The following SLC8A2 variants were observed in gnomAD, a reference collection of about 807,000 sequenced individuals.
The protein encoded by SLC8A2 is solute carrier family 8 member A2.
A neutral mutation model predicts 70.2 loss-of-function variants in SLC8A2; 14 were observed. The observed-to-expected ratio is 0.20, with a 90% CI of 0.13 to 0.31. The LOEUF is 0.31. Among genes scored for constraint, SLC8A2 ranks in the 10% least tolerant of loss-of-function variants. The probability of loss-of-function intolerance (pLI) is 1.00; values close to 1 mark genes in which losing one functional copy is unlikely to be tolerated. For missense variants in SLC8A2, 779 were observed against 1,320.1 expected (o/e 0.59, Z 6.35); for synonymous variants, 575 against 594.3 (o/e 0.97, Z 0.47).
chr19:47,429,016 A>ACCCCCC lies in SLC8A2; in HGVS notation c.*1067_*1072dup, dbSNP rs1292479789. The ACCCCCC allele has an allele frequency of 2.6e-5, 1 of 37,794 alleles. No individual in the cohort carries two copies. The highest frequency in any genetic ancestry group is 5.6e-5 in the Non-Finnish European group (1 of 17,830). The allele number at this position is 37,794 out of a possible 1,614,324, so 2.3% of individuals were successfully genotyped here. ...CAGTCCCATCCCCCCACCCATCCCC[A>ACCCCCC]CCCCCCATCAGGCAGAGATGTGGCA... On this transcript the variant is annotated 3_prime_UTR_variant, in exon 10 of 10. Coordinates refer to ENST00000236877, the MANE Select transcript of SLC8A2 (RefSeq NM_015063.3).
Position 47,466,502 on chromosome 19 carries a change from G to A in SLC8A2, c.-16-83C>T, listed in dbSNP as rs927937281. On this transcript the variant is annotated intron_variant, in intron 1 of 9. Coordinates refer to ENST00000236877, the MANE Select transcript of SLC8A2 (RefSeq NM_015063.3). This position sits in a 1 kb window ranked among gnomAD's most constrained non-coding sequence, Gnocchi z 6.9. ...AAGGTCAAAGCTCACTGGGGAAGGA[G>A]GGTTGGGGGAGAAGCTGAGGACCAA... 2.4e-5 allele frequency: 14 copies of A among 591,740 alleles called. No homozygotes were observed. Among genetic ancestry groups the A allele is most frequent in the East Asian group, 1.4e-4 (5 of 35,540 alleles). 36.7% of individuals were successfully genotyped at this position (591,740 alleles called of 1,614,324 possible). A position where few individuals can be genotyped will look rare whatever the true frequency, so the allele number is the denominator to read the frequency against.
At position 47,428,321 on chromosome 19, in the gene SLC8A2, A is replaced by T. The variant is rs1966900428; in HGVS notation, c.*1768T>A. The T allele has an allele frequency of 6.6e-6, 1 of 151,106 alleles. No homozygotes were observed. The highest frequency in any genetic ancestry group is 1.5e-5 in the Non-Finnish European group (1 of 67,986). The allele number at this position is 151,106 out of a possible 1,614,324, so 9.4% of individuals were successfully genotyped here. A position where few individuals can be genotyped will look rare whatever the true frequency, so the allele number is the denominator to read the frequency against. ...GCAAGTGGAGGAGCTTGGCTGATGAATGGGGGCGTGGTTAGTGGAAACCCA... is the reference window on the plus strand; with the variant it reads ...GCAAGTGGAGGAGCTTGGCTGATGATTGGGGGCGTGGTTAGTGGAAACCCA... On this transcript the variant is annotated 3_prime_UTR_variant, in exon 10 of 10. Coordinates refer to ENST00000236877, the MANE Select transcript of SLC8A2 (RefSeq NM_015063.3).
rs1967053886 is a variant in SLC8A2, at chr19:47,438,052, A to C, written c.1886-79T>G. The C allele has an allele frequency of 2.6e-6, 4 of 1,565,626 alleles. No individual in the cohort carries two copies. In the Admixed American group the frequency reaches 6.8e-5, roughly 27 times the overall value. On this transcript the variant is annotated intron_variant, in intron 6 of 9. Coordinates refer to ENST00000236877, the MANE Select transcript of SLC8A2 (RefSeq NM_015063.3). ...TGTGACGCCTTTACTACCTGTCCCC[A>C]TAGTTAGAGAAAGCCTATCTGTTCT...
chr19:47,456,664 CA>C lies in SLC8A2; in HGVS notation c.1340+265del, dbSNP rs1218003348. On this transcript the variant is annotated intron_variant, in intron 3 of 9. Transcript: ENST00000236877. ...TGGGCAGCATAGTGAGACTCTATCT[CA>C]AACAAACAAAAACCCAGAGGTAGAT... 4.6e-5 allele frequency among the ~76,000 whole-genome samples: 7 copies of C among 152,330 alleles called. No homozygotes were observed. The East Asian group carries it at 1.4e-3, about 29-fold the overall frequency.
intron 2 of SLC8A2, among the ~76,000 whole-genome samples, chr19:47,458,923 C>T (rs1175372083): frequency 6.8e-6 from 1 of 147,580 alleles, no homozygotes; most frequent in Non-Finnish European, 1.5e-5. Context: ...CCACCCCTTT[C>T]CATCTTGTTC....
intron 2 of SLC8A2, among the ~76,000 whole-genome samples, chr19:47,459,738 T>C (rs1204580194): frequency 1.3e-5 from 2 of 151,122 alleles, no homozygotes; most frequent in African/African-American, 4.9e-5. Context: ...TGTGTGTGTA[T>C]GTGTACGTGT....
chr19:47,447,823 G>T lies in SLC8A2; in HGVS notation c.1749C>A (p.Gly583=). The T allele has an allele frequency of 6.3e-7, 1 of 1,590,472 alleles. No individual in the cohort carries two copies. The stretch of plus-strand genomic sequence containing the variant: ...GGCGTGCTCACATGGTCTCGTCGTC[G>T]CCAAACTCCAGCTCTCCGCACGCGT... The part of the protein sequence containing the change: ...YEDACGELEF[G]DDETMKTLQV... Residue 583 remains glycine, a synonymous_variant, in exon 4 of 10, where the codon GGC becomes GGA. Coordinates refer to ENST00000236877, the MANE Select transcript of SLC8A2 (RefSeq NM_015063.3). This position sits in a 1 kb window ranked among gnomAD's most constrained non-coding sequence, Gnocchi z 5.1.
At chr19:47,452,445 A>AGAGAGTGTGT (rs1568444583) in intron 3 of SLC8A2, among the ~76,000 whole-genome samples, 4 of 54,098 alleles carry the variant, frequency 7.4e-5, no homozygotes, top group African/African-American at 3.6e-4. Context: ...AGAGAGAGAG[A>AGAGAGTGTGT]GTGTGTGTGT....
At chr19:47,455,178 G>A (rs1191425558) in intron 3 of SLC8A2, among the ~76,000 whole-genome samples, 2 of 152,000 alleles carry the variant, frequency 1.3e-5, no homozygotes, top group East Asian at 3.9e-4. Flanking sequence ...GAAGATGAGC[G>A]AACTGAGTCC....
intron 8 of SLC8A2, among the ~76,000 whole-genome samples, chr19:47,436,587 T>C (rs958599377): frequency 4.6e-5 from 7 of 152,156 alleles, no homozygotes; most frequent in African/African-American, 1.7e-4. Context: ...CACAATTCCA[T>C]GTACGCCTTC....
intron 3 of SLC8A2, among the ~76,000 whole-genome samples, chr19:47,453,367 A>G (rs1401758960): frequency 6.6e-6 from 1 of 152,234 alleles, no homozygotes; most frequent in African/African-American, 2.4e-5. Flanking sequence ...ACAACTGTAC[A>G]TGGCAGACCT....
chr19:47,437,710 G>A, intron 7 of SLC8A2, 139 bp downstream of exon 7: 1 of 1,170,742 alleles, frequency 8.5e-7, no homozygotes, highest in South Asian at 1.3e-5. Context: ...GGAAAAGGGA[G>A]GCATGTGCTG....
intron 8 of SLC8A2, among the ~76,000 whole-genome samples, chr19:47,436,713 T>C (rs1967033524): frequency 6.6e-6 from 1 of 152,136 alleles, no homozygotes; most frequent in African/African-American, 2.4e-5. Flanking sequence ...CCCTCCTCTG[T>C]CTCTGAGCCT....
intron 9 of SLC8A2, among the ~76,000 whole-genome samples, chr19:47,431,868 C>A (rs1387130045): frequency 6.6e-6 from 1 of 152,090 alleles, no homozygotes; most frequent in Admixed American, 6.5e-5. Flanking sequence ...CTCCCCACAG[C>A]TGTCTCTTCC....
intron 3 of SLC8A2, among the ~76,000 whole-genome samples, chr19:47,456,221 G>A (rs1967301533): frequency 1.3e-5 from 2 of 152,218 alleles, no homozygotes; most frequent in African/African-American, 4.8e-5. Context: ...GAAATATAAA[G>A]AATGCAGGAG....
At chr19:47,435,301 T>C (rs1319693518) in intron 8 of SLC8A2, among the ~76,000 whole-genome samples, 1 of 152,096 alleles carries the variant, frequency 6.6e-6, no homozygotes, top group East Asian at 1.9e-4. Context: ...TTATTCTTCC[T>C]CCACCCCGAT....
intron 2 of SLC8A2, among the ~76,000 whole-genome samples, chr19:47,457,958 T>C (rs830130): frequency 0.78 from 118,185 of 151,740 alleles, 46,750 homozygotes; most frequent in Middle Eastern, 0.89. Flanking sequence ...TCAAGCAGTT[T>C]TCCTGCCTCA....
At chr19:47,455,618 T>C (rs981170063) in intron 3 of SLC8A2, among the ~76,000 whole-genome samples, 1 of 152,192 alleles carries the variant, frequency 6.6e-6, no homozygotes, top group Non-Finnish European at 1.5e-5. Flanking sequence ...GTTCAAAGCA[T>C]GATGTAGGCT....
At position 47,432,294 on chromosome 19, in the gene SLC8A2, G is replaced by A; in HGVS notation, c.2262C>T (p.Val754=). The A allele has an allele frequency of 6.2e-7, 1 of 1,614,154 alleles. No homozygotes were observed. Among genetic ancestry groups the A allele is most frequent in the Non-Finnish European group, 8.5e-7 (1 of 1,180,022 alleles). ...EYCHGWACFG[V]SILVIGLLTA... ...TGAGCAGGCCGATGACCAGGATGGA[G>A]ACACCAAAGCAGGCCCAGCCGTGGC... The change falls in exon 9 of 10, where the codon GTC becomes GTT. Residue 754 remains valine, a synonymous_variant. Coordinates refer to ENST00000236877, the MANE Select transcript of SLC8A2 (RefSeq NM_015063.3). The surrounding 1 kb of genome is among the most constrained non-coding windows in gnomAD (Gnocchi z 6.2).
Sources: allele counts gnomAD v4.1 joint callset (sites outside exome capture counted in the v4.1 genomes callset), GRCh38; gene constraint gnomAD v4.1.1; non-coding constraint Gnocchi (gnomAD v3.1); transcripts MANE v1.5; gene names NCBI Gene and HGNC (gene_info 2026-07-23, HGNC 2026-07-21).